Variants in LSAMP observed in about 807,000 individuals in gnomAD.
LSAMP encodes limbic system associated membrane protein, also known as limbic system-associated membrane protein.
In LSAMP, 7 loss-of-function variants were observed where a neutral mutation model predicts 38.6. That is an observed-to-expected ratio of 0.18 (90% CI 0.10 to 0.34). The LOEUF (loss-of-function observed/expected upper bound fraction) is 0.34. Among genes scored for constraint, LSAMP ranks in the 10% least tolerant of loss-of-function variants. The pLI is 1.00. For missense variants in LSAMP, 313 were observed against 420.0 expected, an observed-to-expected ratio of 0.75 and a Z score of 2.23; for synonymous variants, 154 against 166.8, an observed-to-expected ratio of 0.92 and a Z score of 0.59.
At chr3:115,975,660 C>G (rs1939164378) in intron 3 of LSAMP, among the ~76,000 whole-genome samples, 1 of 152,160 alleles carries the variant, frequency 6.6e-6, no homozygotes, top group African/African-American at 2.4e-5. Flanking sequence ...AGTTATCCTA[C>G]TTTTCTGACC....
intron 1 of LSAMP, among the ~76,000 whole-genome samples, chr3:116,092,382 A>G (rs1388783182): frequency 6.6e-6 from 1 of 152,282 alleles, no homozygotes; most frequent in South Asian, 2.1e-4. Flanking sequence ...TAAATGATCT[A>G]TATTGCATGT....
chr3:115,834,712 G>T, intron 6 of LSAMP: 1 of 360,768 alleles, frequency 2.8e-6, no homozygotes. Context: ...ATGCTTACAG[G>T]ATCATATCTC....
chr3:116,197,130 GACAC>G (rs10650049), intron 1 of LSAMP, among the ~76,000 whole-genome samples: 86 of 136,792 alleles, frequency 6.3e-4, no homozygotes, highest in Admixed American at 1.2e-3. Flanking sequence ...ATCCCACTCG[GACAC>G]ACACACACAC....
intron 6 of LSAMP, among the ~76,000 whole-genome samples, chr3:115,822,541 G>T (rs1002956144): frequency 1.3e-5 from 2 of 151,924 alleles, no homozygotes; most frequent in Admixed American, 1.3e-4. Flanking sequence ...TGTATTTTTA[G>T]TAGAGATGGA....
At chr3:115,816,573 A>C in intron 6 of LSAMP, 1 of 1,216,884 alleles carries the variant, frequency 8.2e-7, no homozygotes, top group Non-Finnish European at 1.1e-6. Context: ...GTGAAATCTT[A>C]ATTTTGACAT....
intron 1 of LSAMP, among the ~76,000 whole-genome samples, chr3:116,290,457 C>T (rs527887892): frequency 1.4e-4 from 21 of 152,070 alleles, no homozygotes; most frequent in African/African-American, 2.9e-4. Context: ...TTTGGCTGGG[C>T]GCAGTGGCTC....
chr3:116,138,845 C>A (rs1709310488), intron 1 of LSAMP, among the ~76,000 whole-genome samples: 1 of 145,364 alleles, frequency 6.9e-6, no homozygotes, highest in Non-Finnish European at 1.5e-5. Flanking sequence ...TCCATTTTAG[C>A]TTGGTTTAAT....
rs1576230002 is a variant in LSAMP at position 115,931,161 on chromosome 3, G to GCT, written c.515-78545_515-78544insAG. ...CCACCCGGGATTTCCCACCAGATGG[G>GCT]GAGAGAGCTCATTACTAACCCAGAG... On this transcript the variant is annotated intron_variant, in intron 3 of 6. Coordinates refer to ENST00000490035, the MANE Select transcript of LSAMP (RefSeq NM_002338.5). 5.9e-5 allele frequency among the ~76,000 whole-genome samples: 9 copies of GCT among 152,168 alleles called. No individual in the cohort carries two copies. In the East Asian group the frequency reaches 1.7e-3, roughly 30 times the overall value.
At chr3:116,426,958 G>C (rs1229614593) in intron 1 of LSAMP, among the ~76,000 whole-genome samples, 3 of 151,150 alleles carry the variant, frequency 2.0e-5, no homozygotes, top group African/African-American at 7.3e-5. Context: ...GGTTTTTCTG[G>C]TAGCATACAA....
chr3:115,847,901 A>G (rs1935211971), intron 4 of LSAMP, among the ~76,000 whole-genome samples: 1 of 152,230 alleles, frequency 6.6e-6, no homozygotes, highest in South Asian at 2.1e-4. Flanking sequence ...GATTACAGTG[A>G]ATTGATATGA....
intron 2 of LSAMP, among the ~76,000 whole-genome samples, chr3:116,039,578 G>A (rs566462615): frequency 3.5e-4 from 53 of 152,338 alleles, no homozygotes; most frequent in Non-Finnish European, 6.3e-4. Context: ...GGGTTTGGAG[G>A]AAGAGCTGTT....
At chr3:115,833,366 T>G (rs1271759980) in intron 6 of LSAMP, among the ~76,000 whole-genome samples, 2 of 151,594 alleles carry the variant, frequency 1.3e-5, no homozygotes, top group Non-Finnish European at 2.9e-5. Context: ...GAAGTTTTTT[T>G]TTTTTTTTTT....
chr3:116,169,808 T>C (rs1710152291), intron 1 of LSAMP, among the ~76,000 whole-genome samples: 1 of 152,224 alleles, frequency 6.6e-6, no homozygotes, highest in Admixed American at 6.5e-5. Context: ...TTCTCGCCAC[T>C]CATGCTGTTG....
intron 1 of LSAMP, among the ~76,000 whole-genome samples, chr3:116,307,542 A>G (rs1356204956): frequency 6.6e-6 from 1 of 151,936 alleles, no homozygotes; most frequent in African/African-American, 2.4e-5. Flanking sequence ...TAGAACCAAG[A>G]AAATCTCCTG....
chr3:116,314,836 A>G (rs2047607051), intron 1 of LSAMP, among the ~76,000 whole-genome samples: 1 of 152,158 alleles, frequency 6.6e-6, no homozygotes, highest in South Asian at 2.1e-4. Context: ...TTCTCTTACA[A>G]AAAGAATAAA....
chr3:116,260,818 A>G (rs1576466137), intron 1 of LSAMP, among the ~76,000 whole-genome samples: 1 of 152,286 alleles, frequency 6.6e-6, no homozygotes, highest in Middle Eastern at 3.4e-3. Context: ...ACCTAATCCT[A>G]AGACCTAAAG....
chr3:116,433,196 A>G (rs2049305127), intron 1 of LSAMP, among the ~76,000 whole-genome samples: 2 of 152,322 alleles, frequency 1.3e-5, no homozygotes, highest in South Asian at 2.1e-4. Flanking sequence ...GATACTTACT[A>G]TGCATGACTT....
At chr3:116,344,408 G>A (rs756583372) in intron 1 of LSAMP, among the ~76,000 whole-genome samples, 3 of 152,118 alleles carry the variant, frequency 2.0e-5, no homozygotes, top group Non-Finnish European at 4.4e-5. Flanking sequence ...GAAGAAGGGG[G>A]TGATGAGGGG....
chr3:116,276,113 G>A (rs1299271198), intron 1 of LSAMP, among the ~76,000 whole-genome samples: 1 of 152,078 alleles, frequency 6.6e-6, no homozygotes, highest in Non-Finnish European at 1.5e-5. Flanking sequence ...CTTGTTGGAT[G>A]TTTCTTTATA....
Sources: gnomAD v4.1 joint callset for allele counts (sites outside exome capture counted in the v4.1 genomes callset) on GRCh38, gnomAD v4.1.1 for gene constraint, MANE v1.5 for transcripts, NCBI Gene and HGNC (gene_info 2026-07-23, HGNC 2026-07-21) for gene names.